WNK2: variants seen among roughly 807,000 people sequenced by gnomAD.
WNK2 encodes the protein serine/threonine-protein kinase WNK2.
A neutral mutation model predicts 192.1 loss-of-function variants in WNK2; 67 were observed. The ratio of observed to expected loss-of-function variants is 0.35; its 90% CI spans 0.29 to 0.43. The LOEUF (loss-of-function observed/expected upper bound fraction) is 0.43, where lower values mean the gene tolerates loss of function less well. WNK2 is among the 20% of genes least tolerant of loss of function. The probability of loss-of-function intolerance (pLI) is 1.00; values close to 1 mark genes in which losing one functional copy is unlikely to be tolerated. For missense variants in WNK2, 2,698 were observed against 3,089.7 expected (o/e 0.87, Z 3.01); for synonymous variants, 1,439 against 1,393.9 (o/e 1.03, Z -0.72).
chr9:93,217,282 C>T (rs1252036069), intron 2 of WNK2, among the ~76,000 whole-genome samples: 3 of 152,198 alleles, frequency 2.0e-5, no homozygotes, highest in East Asian at 1.9e-4. Context: ...GAAGATACTA[C>T]GCCGCTGCCA....
chr9:93,192,588 G>T (rs1830533802), intron 2 of WNK2, among the ~76,000 whole-genome samples: 1 of 152,074 alleles, frequency 6.6e-6, no homozygotes. Context: ...GTCTCGGGGG[G>T]CCAAGAGGGA....
At chr9:93,232,016 T>C (rs1838898888) in intron 4 of WNK2, among the ~76,000 whole-genome samples, 1 of 152,102 alleles carries the variant, frequency 6.6e-6, no homozygotes, top group African/African-American at 2.4e-5. Context: ...GCAAGCAGCG[T>C]GGGTCGGGGC....
Position 93,229,008 on chromosome 9 carries a change from TGTG to T in WNK2, c.682-684_682-682del, listed in dbSNP as rs1451978636. Among the ~76,000 whole-genome samples, 2 of 152,106 alleles carry T rather than the reference TGTG, an allele frequency of 1.3e-5. No individual in the cohort carries two copies. The highest frequency in any genetic ancestry group is 2.9e-5 in the Non-Finnish European group (2 of 68,024). ...TGTGGGATGGTGGGCAGAGCGGGCA[TGTG>T]GTGCATGCACCTGACCAGGGTTCCC... On this transcript the variant is annotated intron_variant, in intron 2 of 29. Coordinates refer to ENST00000427277, the MANE Select transcript of WNK2 (RefSeq NM_006648.4). This position sits in a 1 kb window ranked among gnomAD's most constrained non-coding sequence, Gnocchi z 4.9.
At chr9:93,242,822 A>G (rs111472814) in intron 7 of WNK2, among the ~76,000 whole-genome samples, 90 of 152,314 alleles carry the variant, frequency 5.9e-4, no homozygotes, top group African/African-American at 1.9e-3. Context: ...AGTTACCTCT[A>G]TCCTGGTGCT....
chr9:93,241,299 G>A (rs897839971), intron 7 of WNK2, among the ~76,000 whole-genome samples: 1 of 152,274 alleles, frequency 6.6e-6, no homozygotes, highest in Admixed American at 6.5e-5. Flanking sequence ...GGGAACGAGA[G>A]GCTAGGAAGA....
intron 19 of WNK2, among the ~76,000 whole-genome samples, chr9:93,283,386 AT>A (rs778284356): frequency 1.1e-4 from 16 of 152,222 alleles, no homozygotes; most frequent in Non-Finnish European, 2.2e-4. Flanking sequence ...GGCTCATAGC[AT>A]TAGTAAGCCC....
In WNK2 at chr9:93,259,608, G is replaced by C; in HGVS notation, c.3060G>C (p.Gly1020=). The change falls in exon 12 of 30, where the codon GGG becomes GGC. Residue 1020 remains glycine (G), a synonymous_variant. Transcript: ENST00000427277. This position sits in a 1 kb window ranked among gnomAD's most constrained non-coding sequence, Gnocchi z 4.8. ...PEQAAPAATP[G]SQILLGHPAP... The stretch of plus-strand genomic sequence containing the variant: ...AAGCTGCTCCAGCTGCTACACCAGG[G>C]AGCCAGGTAATCACCTGCTGGGCAG... 1 of 1,580,062 alleles carries C rather than the reference G, an allele frequency of 6.3e-7. No homozygotes were observed. Among genetic ancestry groups the C allele is most frequent in the South Asian group, 1.1e-5 (1 of 87,328 alleles).
In WNK2 at chr9:93,256,286, G is replaced by A. The variant is rs781348820; in HGVS notation, c.2035-13G>A. 3 of 1,532,832 alleles carry A rather than the reference G, an allele frequency of 2.0e-6. No homozygotes were observed. Among genetic ancestry groups the A allele is most frequent in the Non-Finnish European group, 1.7e-6 (2 of 1,145,630 alleles). 95.0% of individuals were successfully genotyped at this position (1,532,832 alleles called of 1,614,324 possible). ...AGAGCTGCTGCTGAGTGTGGCCCTG[G>A]TGCTCTCTGCAGCCTGGCTTGCCGG... On this transcript the variant is annotated splice_polypyrimidine_tract_variant and intron_variant, in intron 9 of 29. Coordinates refer to ENST00000427277, the MANE Select transcript of WNK2 (RefSeq NM_006648.4).
At chr9:93,293,284 C>G (rs1236915329) in intron 23 of WNK2, 111 bp downstream of exon 23, 6 of 984,028 alleles carry the variant, frequency 6.1e-6, no homozygotes, top group Non-Finnish European at 6.9e-6. Context: ...GCAGCGCCCA[C>G]TTGGAGCTGC....
At chr9:93,304,102 C>G (rs1036236132) in intron 26 of WNK2, among the ~76,000 whole-genome samples, 8 of 152,200 alleles carry the variant, frequency 5.3e-5, no homozygotes, top group African/African-American at 1.9e-4. Flanking sequence ...AGGGGCTGAC[C>G]ACTTTTTAGT....
intron 4 of WNK2, among the ~76,000 whole-genome samples, chr9:93,234,008 G>A (rs1437320754): frequency 6.6e-6 from 1 of 152,196 alleles, no homozygotes; most frequent in Non-Finnish European, 1.5e-5. Context: ...ACCAATATAA[G>A]TAAAATAAAA....
At chr9:93,197,317 C>T (rs1831449551) in intron 2 of WNK2, among the ~76,000 whole-genome samples, 1 of 152,210 alleles carries the variant, frequency 6.6e-6, no homozygotes. Flanking sequence ...ACCTGAGGCA[C>T]TCAGTGAGGT....
chr9:93,301,592 C>CG lies in WNK2; in HGVS notation c.6214+1443_6214+1444insG, dbSNP rs1406466251. Reference sequence around the variant, plus strand: ...GGAGGAGTGGGCGCCTTCCCCCCCACCCCTGCGTCTCTGGGTCCTCTTATG... The same window carrying CG: ...GGAGGAGTGGGCGCCTTCCCCCCCACGCCCTGCGTCTCTGGGTCCTCTTATG... On this transcript the variant is annotated intron_variant, in intron 26 of 29. Coordinates refer to ENST00000427277, the MANE Select transcript of WNK2 (RefSeq NM_006648.4). 2.6e-5 allele frequency among the ~76,000 whole-genome samples: 4 copies of CG among 152,292 alleles called. No individual in the cohort carries two copies. The South Asian group carries it at 8.3e-4, about 32-fold the overall frequency.
intron 2 of WNK2, among the ~76,000 whole-genome samples, chr9:93,193,257 C>T (rs1229413665): frequency 3.3e-5 from 5 of 152,196 alleles, no homozygotes; most frequent in African/African-American, 9.7e-5. Context: ...AGTGCGTGGC[C>T]ATGGGAGGGC....
chr9:93,224,102 G>A (rs924367430), intron 2 of WNK2, among the ~76,000 whole-genome samples: 5 of 152,146 alleles, frequency 3.3e-5, no homozygotes, highest in Non-Finnish European at 7.4e-5. Flanking sequence ...ACGGCCCCAC[G>A]GAACTGGAGC....
intron 7 of WNK2, among the ~76,000 whole-genome samples, chr9:93,246,318 C>G (rs1410509542): frequency 6.6e-6 from 1 of 152,184 alleles, no homozygotes; most frequent in Non-Finnish European, 1.5e-5. Flanking sequence ...CTCTTAGAGC[C>G]GCGCTGCATT....
intron 2 of WNK2, among the ~76,000 whole-genome samples, chr9:93,219,075 G>A (rs2131735377): frequency 6.6e-6 from 1 of 152,362 alleles, no homozygotes; most frequent in East Asian, 1.9e-4. Context: ...CCCGTGTTAA[G>A]CCCACCTGTA....
At chr9:93,248,360 T>C (rs1842079701) in intron 8 of WNK2, among the ~76,000 whole-genome samples, 1 of 152,196 alleles carries the variant, frequency 6.6e-6, no homozygotes. Flanking sequence ...TCAGGACAGA[T>C]GGGGACAAAT....
At chr9:93,308,708 A>AT in intron 28 of WNK2, 124 bp downstream of exon 28, 1 of 1,372,068 alleles carries the variant, frequency 7.3e-7, no homozygotes, top group South Asian at 1.5e-5. Flanking sequence ...ATCCAAGTTC[A>AT]TTCTCCCCAC....
Sources: gnomAD v4.1 joint callset for allele counts (sites outside exome capture counted in the v4.1 genomes callset) on GRCh38, gnomAD v4.1.1 for gene constraint, Gnocchi (gnomAD v3.1) non-coding constraint, MANE v1.5 for transcripts, NCBI Gene and HGNC (gene_info 2026-07-23, HGNC 2026-07-21) for gene names.